GMDS: variants seen among roughly 807,000 people sequenced by gnomAD.
The protein encoded by GMDS is GDP-mannose 4,6-dehydratase.
In GMDS, 20 loss-of-function variants were observed where a neutral mutation model predicts 49.9. The observed-to-expected ratio is 0.40, with a 90% CI of 0.28 to 0.58. The LOEUF is 0.58. Ranked by LOEUF, GMDS falls within the 20% of genes least tolerant of loss-of-function variation. GMDS has a pLI of 0.42. For synonymous variants in GMDS, 177 were observed against 178.6 expected (o/e 0.99, Z 0.07); for missense variants, 362 against 481.4 (o/e 0.75, Z 2.32).
At chr6:2,234,564 G>A (rs1219518993) in intron 1 of GMDS, among the ~76,000 whole-genome samples, 9 of 151,822 alleles carry the variant, frequency 5.9e-5, no homozygotes, top group East Asian at 1.9e-4. Context: ...AGCCAAAATC[G>A]CACCACTGCA....
chr6:1,861,513 C>T (rs537692960), intron 7 of GMDS, among the ~76,000 whole-genome samples: 3 of 151,966 alleles, frequency 2.0e-5, no homozygotes, highest in South Asian at 2.1e-4. Context: ...GAATACCAGC[C>T]CACAGGGTTG....
intron 1 of GMDS, among the ~76,000 whole-genome samples, chr6:2,245,065 G>A (rs1048356050): frequency 6.6e-6 from 1 of 152,226 alleles, no homozygotes; most frequent in Non-Finnish European, 1.5e-5. Flanking sequence ...CTGCCCGGGT[G>A]TGAGCGCGAC....
At chr6:1,938,947 C>T (rs1223952966) in intron 6 of GMDS, among the ~76,000 whole-genome samples, 1 of 149,784 alleles carries the variant, frequency 6.7e-6, no homozygotes, top group African/African-American at 2.5e-5. Flanking sequence ...TCCTTCCTCC[C>T]TTCTTTCCTC....
intron 4 of GMDS, among the ~76,000 whole-genome samples, chr6:2,031,143 G>T (rs192226951): frequency 1.3e-5 from 2 of 152,204 alleles, no homozygotes; most frequent in Non-Finnish European, 2.9e-5. Context: ...ACATCCTGAT[G>T]CAGTAGTTCT....
chr6:1,928,659 G>A (rs1241493769), intron 7 of GMDS, among the ~76,000 whole-genome samples: 2 of 152,020 alleles, frequency 1.3e-5, no homozygotes, highest in African/African-American at 4.8e-5. Context: ...TGTAATTATA[G>A]CTTAGAAGCA....
intron 7 of GMDS, among the ~76,000 whole-genome samples, chr6:1,809,127 T>TA (rs1263318310): frequency 1.2e-4 from 19 of 152,228 alleles, no homozygotes; most frequent in African/African-American, 4.3e-4. Context: ...AAGAGGGATT[T>TA]ATGTTTTTTC....
intron 4 of GMDS, among the ~76,000 whole-genome samples, chr6:2,053,508 G>C (rs775745906): frequency 6.6e-5 from 10 of 152,086 alleles, no homozygotes; most frequent in Non-Finnish European, 1.3e-4. Context: ...AAATTAGCAA[G>C]TATAAAAAGA....
chr6:1,825,559 T>C (rs1368392425), intron 7 of GMDS, among the ~76,000 whole-genome samples: 4 of 152,154 alleles, frequency 2.6e-5, no homozygotes, highest in Non-Finnish European at 2.9e-5. Context: ...CAAACCCACA[T>C]AGTAGAGTCT....
At chr6:1,817,706 G>A (rs1034957814) in intron 7 of GMDS, among the ~76,000 whole-genome samples, 3 of 152,168 alleles carry the variant, frequency 2.0e-5, no homozygotes, top group African/African-American at 7.2e-5. Flanking sequence ...AGCTCCAGAT[G>A]AAGCTGGGTC....
chr6:2,052,388 T>C (rs1042548937), intron 4 of GMDS, among the ~76,000 whole-genome samples: 1 of 152,190 alleles, frequency 6.6e-6, no homozygotes, highest in African/African-American at 2.4e-5. Context: ...AAAGAAGTTA[T>C]CTCTAAGCTG....
chr6:1,786,324 G>C (rs1215253765), intron 7 of GMDS, among the ~76,000 whole-genome samples: 1 of 152,234 alleles, frequency 6.6e-6, no homozygotes, highest in Non-Finnish European at 1.5e-5. Context: ...AGGAGGTCTA[G>C]AGCCTCGGCT....
intron 4 of GMDS, among the ~76,000 whole-genome samples, chr6:2,101,648 T>C (rs1167018870): frequency 2.0e-5 from 3 of 152,068 alleles, no homozygotes; most frequent in African/African-American, 7.2e-5. Flanking sequence ...AACTTATGTG[T>C]TTATCTAAAA....
intron 1 of GMDS, among the ~76,000 whole-genome samples, chr6:2,233,166 G>A (rs770340435): frequency 1.4e-4 from 21 of 151,980 alleles, no homozygotes; most frequent in Non-Finnish European, 2.5e-4. Context: ...AACATCTCTG[G>A]CCTCCCTCAG....
Position 2,148,766 on chromosome 6 carries a change from C to T in GMDS, c.103-24035G>A, listed in dbSNP as rs138600919. Among the ~76,000 whole-genome samples, 260 of 152,302 alleles carry T rather than the reference C, an allele frequency of 1.7e-3. 1 individual carries two copies. Among genetic ancestry groups the T allele is most frequent in the African/African-American group, 4.0e-3 (166 of 41,564 alleles). On this transcript the variant is annotated intron_variant, in intron 1 of 10. Coordinates refer to ENST00000380815, the MANE Select transcript of GMDS (RefSeq NM_001500.4). The stretch of plus-strand genomic sequence containing the variant: ...GTTCTCAAAGACCTATTATTACATC[C>T]TGTGTATTATATCAGCTTTGTCAAA...
intron 1 of GMDS, among the ~76,000 whole-genome samples, chr6:2,188,423 G>A (rs1286529413): frequency 6.6e-6 from 1 of 152,134 alleles, no homozygotes; most frequent in Admixed American, 6.5e-5. Flanking sequence ...TCATATGCTG[G>A]TCACTAATCC....
At chr6:1,973,669 G>A (rs1764738884) in intron 4 of GMDS, among the ~76,000 whole-genome samples, 2 of 152,098 alleles carry the variant, frequency 1.3e-5, no homozygotes, top group African/African-American at 4.8e-5. Flanking sequence ...TTATTATAAA[G>A]TTTTACTTTC....
intron 7 of GMDS, among the ~76,000 whole-genome samples, chr6:1,926,598 A>C (rs917712584): frequency 2.6e-5 from 4 of 152,238 alleles, no homozygotes; most frequent in Non-Finnish European, 5.9e-5. Context: ...TGTGTGTTTT[A>C]AACAAACAAT....
intron 6 of GMDS, among the ~76,000 whole-genome samples, chr6:1,933,478 T>G (rs1762387377): frequency 6.6e-6 from 1 of 152,226 alleles, no homozygotes; most frequent in African/African-American, 2.4e-5. Flanking sequence ...CCACTTTACA[T>G]TCCCACCAGC....
intron 7 of GMDS, among the ~76,000 whole-genome samples, chr6:1,789,087 G>A (rs1267415679): frequency 6.6e-6 from 1 of 152,242 alleles, no homozygotes; most frequent in East Asian, 1.9e-4. Context: ...TAATGACAGT[G>A]TTATTAGAAA....
Sources: allele counts gnomAD v4.1 joint callset (sites outside exome capture counted in the v4.1 genomes callset), GRCh38; gene constraint gnomAD v4.1.1; transcripts MANE v1.5; gene names NCBI Gene and HGNC (gene_info 2026-07-23, HGNC 2026-07-21).